The following FAM222B variants were observed in gnomAD, a reference collection of about 807,000 sequenced individuals.
FAM222B encodes protein FAM222B.
In FAM222B, 12 loss-of-function variants were observed where a neutral mutation model predicts 38.0. The ratio of observed to expected loss-of-function variants is 0.32; its 90% CI spans 0.20 to 0.51. The LOEUF (loss-of-function observed/expected upper bound fraction) is 0.51. Among genes scored for constraint, FAM222B ranks in the 20% least tolerant of loss-of-function variants. FAM222B has a pLI of 0.97. For synonymous variants in FAM222B, 329 were observed against 317.2 expected (o/e 1.04, Z -0.40); for missense variants, 716 against 754.2 (o/e 0.95, Z 0.59).
At chr17:28,761,186 C>T (rs1306704174) in intron 2 of FAM222B, among the ~76,000 whole-genome samples, 1 of 152,196 alleles carries the variant, frequency 6.6e-6, no homozygotes, top group Non-Finnish European at 1.5e-5. Context: ...TGTTGCCTCC[C>T]ATCAGGGGGC....
At chr17:28,805,761 C>G (rs1427533708) in intron 1 of FAM222B, among the ~76,000 whole-genome samples, 2 of 152,000 alleles carry the variant, frequency 1.3e-5, no homozygotes, top group Admixed American at 6.6e-5. Context: ...AGTTGAATGA[C>G]CAAAGAAAAA....
intron 2 of FAM222B, among the ~76,000 whole-genome samples, chr17:28,764,228 C>T (rs1368460550): frequency 2.1e-5 from 3 of 143,396 alleles, no homozygotes; most frequent in Admixed American, 7.2e-5. Context: ...ACCGAGATTG[C>T]GCCACTGCAC....
intron 1 of FAM222B, among the ~76,000 whole-genome samples, chr17:28,769,354 T>G (rs1425110941): frequency 6.6e-6 from 1 of 152,046 alleles, no homozygotes; most frequent in Non-Finnish European, 1.5e-5. Context: ...AATTTTTTTT[T>G]GTATTTTTAG....
chr17:28,818,128 G>A (rs1002463667), intron 1 of FAM222B, among the ~76,000 whole-genome samples: 7 of 152,132 alleles, frequency 4.6e-5, no homozygotes, highest in African/African-American at 9.7e-5. Context: ...GGAGGCTGAG[G>A]TGGGAGGATC....
rs143686057 is a variant in FAM222B, at chr17:28,780,538, G to C, written c.-40-13831C>G. ...AATAACTACCAAAAAAAAAAGGCTT[G>C]GGAATAAATTTATTCAAAGAGGTGA... On this transcript the variant is annotated intron_variant, in intron 1 of 2. Coordinates refer to ENST00000581407, the MANE Select transcript of FAM222B (RefSeq NM_001077498.3). Among the ~76,000 whole-genome samples the C allele has an allele frequency of 6.4e-3, 977 of 151,940 alleles. 10 individuals are homozygous for C. The highest frequency in any genetic ancestry group is 0.022 in the African/African-American group (921 of 41,470).
intron 1 of FAM222B, among the ~76,000 whole-genome samples, chr17:28,798,972 G>GTTTTTTTT (rs371016664): frequency 6.7e-6 from 1 of 148,738 alleles, no homozygotes; most frequent in Non-Finnish European, 1.5e-5. Context: ...ATGGAATCCT[G>GTTTTTTTT]TTGTTTTTTT....
rs57583458 is a variant in FAM222B, at chr17:28,779,751, A to AAAATAAATAAAT, written c.-40-13056_-40-13045dup. The stretch of plus-strand genomic sequence containing the variant: ...GGGCGACAGAGCGAGACTCCGTCTC[A>AAAATAAATAAAT]AAATAAATAAATAAATAAATAAATA... On this transcript the variant is annotated intron_variant, in intron 1 of 2. Transcript: ENST00000581407. 1.5e-3 allele frequency among the ~76,000 whole-genome samples: 213 copies of AAAATAAATAAAT among 144,690 alleles called. 1 individual carries two copies. Among genetic ancestry groups the AAAATAAATAAAT allele is most frequent in the South Asian group, 3.2e-3 (14 of 4,406 alleles). 94.9% of individuals were successfully genotyped at this position (144,690 alleles called of 152,430 possible).
rs189914460 is a variant in FAM222B at position 28,801,191 on chromosome 17, C to T, written c.-40-34484G>A. Among the ~76,000 whole-genome samples the T allele has an allele frequency of 4.3e-3, 646 of 150,386 alleles. 3 individuals carry two copies. Among genetic ancestry groups the T allele is most frequent in the African/African-American group, 0.015 (627 of 40,896 alleles). Reference sequence around the variant, plus strand: ...AAAAAAGACCAGGCGCAGTGGCTCACGCCTGTAATCCCAGCACTTTGGGAG... The same window carrying T: ...AAAAAAGACCAGGCGCAGTGGCTCATGCCTGTAATCCCAGCACTTTGGGAG... On this transcript the variant is annotated intron_variant, in intron 1 of 2. Coordinates refer to ENST00000581407, the MANE Select transcript of FAM222B (RefSeq NM_001077498.3).
At chr17:28,851,883 A>AC (rs2039184084) in intron 1 of FAM222B, among the ~76,000 whole-genome samples, 1 of 151,340 alleles carries the variant, frequency 6.6e-6, no homozygotes, top group African/African-American at 2.4e-5. Flanking sequence ...CAAAAAAAAA[A>AC]AAAAAACCAA....
chr17:28,820,987 C>T (rs1276163285), intron 1 of FAM222B, among the ~76,000 whole-genome samples: 5 of 146,650 alleles, frequency 3.4e-5, no homozygotes, highest in African/African-American at 7.5e-5. Context: ...GATGGACTCT[C>T]GCTCTGTTGC....
chr17:28,815,386 T>G (rs962392176), intron 1 of FAM222B, among the ~76,000 whole-genome samples: 5 of 152,156 alleles, frequency 3.3e-5, no homozygotes, highest in Non-Finnish European at 7.3e-5. Context: ...GCTAATTTTT[T>G]GTATTCTTTA....
chr17:28,832,395 A>G (rs2038699125), intron 1 of FAM222B, among the ~76,000 whole-genome samples: 2 of 152,146 alleles, frequency 1.3e-5, no homozygotes, highest in Admixed American at 1.3e-4. Flanking sequence ...TTGAAAACCC[A>G]TTTTTCATAA....
intron 1 of FAM222B, among the ~76,000 whole-genome samples, chr17:28,847,849 G>C (rs1038349099): frequency 6.6e-6 from 1 of 151,678 alleles, no homozygotes; most frequent in Admixed American, 6.6e-5. Flanking sequence ...GGGAGGCGGA[G>C]CTTGCAGTGA....
At chr17:28,794,222 CTTT>C (rs35751655) in intron 1 of FAM222B, among the ~76,000 whole-genome samples, 8 of 142,288 alleles carry the variant, frequency 5.6e-5, no homozygotes, top group Non-Finnish European at 7.7e-5. Context: ...TTGTCTTTTG[CTTT>C]TTTTTTTTTT....
intron 1 of FAM222B, among the ~76,000 whole-genome samples, chr17:28,828,575 AAAAAAC>A (rs1481701842): frequency 6.6e-6 from 1 of 151,908 alleles, no homozygotes; most frequent in African/African-American, 2.4e-5. Context: ...CACGAAAAAA[AAAAAAC>A]AAAAAACATA....
chr17:28,826,732 G>A (rs1190228399), intron 1 of FAM222B, among the ~76,000 whole-genome samples: 2 of 151,278 alleles, frequency 1.3e-5, no homozygotes, highest in African/African-American at 4.9e-5. Context: ...GCCCTCATTG[G>A]AATGTAAGCT....
intron 1 of FAM222B, among the ~76,000 whole-genome samples, chr17:28,777,931 G>A (rs1475160650): frequency 6.6e-6 from 1 of 151,676 alleles, no homozygotes; most frequent in African/African-American, 2.4e-5. Flanking sequence ...TGGGACTGCA[G>A]GCATGAGCTA....
intron 1 of FAM222B, among the ~76,000 whole-genome samples, chr17:28,814,634 CTT>C: frequency 6.6e-6 from 1 of 152,012 alleles, no homozygotes; most frequent in East Asian, 1.9e-4. Context: ...GCCTGGCTAA[CTT>C]TTGTATTTTT....
intron 1 of FAM222B, among the ~76,000 whole-genome samples, chr17:28,847,959 T>C (rs939105116): frequency 6.8e-6 from 1 of 148,068 alleles, no homozygotes; most frequent in Non-Finnish European, 1.5e-5. Flanking sequence ...AACAAAATAG[T>C]GTAGTGAAGA....
Sources: allele counts gnomAD v4.1 joint callset (sites outside exome capture counted in the v4.1 genomes callset), GRCh38; gene constraint gnomAD v4.1.1; transcripts MANE v1.5; gene names NCBI Gene and HGNC (gene_info 2026-07-23, HGNC 2026-07-21).